Variants in RIMS2 observed in about 807,000 individuals in gnomAD.
The protein encoded by RIMS2 is regulating synaptic membrane exocytosis 2.
A neutral mutation model predicts 174.4 loss-of-function variants in RIMS2; 59 were observed. That is an observed-to-expected ratio of 0.34 (90% CI 0.27 to 0.42). The LOEUF (loss-of-function observed/expected upper bound fraction) is 0.42. Among genes scored for constraint, RIMS2 ranks in the 10% least tolerant of loss-of-function variants. The pLI is 1.00. For missense variants in RIMS2, 1,620 were observed against 1,666.3 expected (o/e 0.97, Z 0.48); for synonymous variants, 606 against 572.5 (o/e 1.06, Z -0.84).
At chr8:104,006,908 T>A (rs1320218758) in intron 17 of RIMS2, among the ~76,000 whole-genome samples, 1 of 152,086 alleles carries the variant, frequency 6.6e-6, no homozygotes, top group Non-Finnish European at 1.5e-5. Flanking sequence ...TAAAGGTTTT[T>A]TTATATTTAA....
intron 1 of RIMS2, among the ~76,000 whole-genome samples, chr8:103,647,877 G>T (rs13262743): frequency 0.17 from 24,747 of 146,074 alleles, 2,299 homozygotes; most frequent in African/African-American, 0.23. Flanking sequence ...CAGCTGCTGG[G>T]TTCATTGATT....
At chr8:103,910,215 A>T in intron 5 of RIMS2, 106 bp from the exon 8 acceptor site, 1 of 1,578,614 alleles carries the variant, frequency 6.3e-7, no homozygotes. Context: ...AGACATGTGG[A>T]GCCTTACTAT....
intron 1 of RIMS2, among the ~76,000 whole-genome samples, chr8:103,575,078 A>G (rs1288324535): frequency 6.6e-6 from 1 of 152,236 alleles, no homozygotes; most frequent in South Asian, 2.1e-4. Flanking sequence ...CAGAATATAT[A>G]AAACTCACAC....
chr8:103,665,215 T>G (rs1410640090), intron 1 of RIMS2, among the ~76,000 whole-genome samples: 1 of 152,182 alleles, frequency 6.6e-6, no homozygotes, highest in Non-Finnish European at 1.5e-5. Context: ...ACATGGCACA[T>G]GTATATCTGT....
chr8:103,750,449 AAG>A (rs1293704436), intron 2 of RIMS2, among the ~76,000 whole-genome samples: 2 of 152,172 alleles, frequency 1.3e-5, no homozygotes, highest in African/African-American at 4.8e-5. Flanking sequence ...TAAAATAACA[AAG>A]AGTGTAATTG....
chr8:104,099,959 A>G (rs1274591308), intron 19 of RIMS2, among the ~76,000 whole-genome samples: 1 of 151,744 alleles, frequency 6.6e-6, no homozygotes, highest in Non-Finnish European at 1.5e-5. Flanking sequence ...TTGTGACTAC[A>G]GGGTCACGCC....
intron 1 of RIMS2, among the ~76,000 whole-genome samples, chr8:103,681,853 G>A (rs1204547037): frequency 1.3e-5 from 2 of 152,028 alleles, no homozygotes; most frequent in African/African-American, 4.8e-5. Flanking sequence ...CTAACTAGGA[G>A]ACTATTCTCT....
intron 1 of RIMS2, among the ~76,000 whole-genome samples, chr8:103,528,559 A>G (rs982936361): frequency 5.9e-5 from 9 of 152,138 alleles, no homozygotes; most frequent in Admixed American, 2.0e-4. Flanking sequence ...ATCTTGAATT[A>G]ATTTTTGTGT....
intron 2 of RIMS2, among the ~76,000 whole-genome samples, chr8:103,758,054 T>A (rs912832781): frequency 6.6e-6 from 1 of 152,188 alleles, no homozygotes; most frequent in Non-Finnish European, 1.5e-5. Flanking sequence ...TAATTTGTAA[T>A]TTGAGTCATG....
Position 104,058,850 on chromosome 8 carries a change from C to G in RIMS2, c.3334+44235C>G, listed in dbSNP as rs183789852. 6.3e-4 allele frequency among the ~76,000 whole-genome samples: 96 copies of G among 152,236 alleles called. 1 individual carries two copies. The highest frequency in any genetic ancestry group is 4.4e-3 in the South Asian group (21 of 4,820). ...AATCCTTTCCCCATTGCTTGTTTTT[C>G]TCAGGTTTGCCAAAGATCAGATATT... On this transcript the variant is annotated intron_variant, in intron 19 of 23. Coordinates refer to ENST00000504942, the Ensembl canonical transcript of RIMS2.
At position 103,834,335 on chromosome 8, in the gene RIMS2, T is replaced by TC. The variant is rs1432680693; in HGVS notation, c.699-50963_699-50962insC. 3.1e-4 allele frequency among the ~76,000 whole-genome samples: 35 copies of TC among 113,184 alleles called. No individual in the cohort carries two copies. In the East Asian group the frequency reaches 6.5e-3, roughly 21 times the overall value. 74.3% of individuals were successfully genotyped at this position (113,184 alleles called of 152,430 possible). The stretch of plus-strand genomic sequence containing the variant: ...AAATCTTTTCTTTTTTCTTTTTCTT[T>TC]TTTTTTTTTTTTTTTTAAGAAATGG... On this transcript the variant is annotated intron_variant, in intron 3 of 23. Coordinates refer to ENST00000504942, the Ensembl canonical transcript of RIMS2.
At chr8:103,899,537 T>G (rs949700708) in intron 4 of RIMS2, among the ~76,000 whole-genome samples, 6 of 151,858 alleles carry the variant, frequency 4.0e-5, no homozygotes, top group African/African-American at 1.5e-4. Flanking sequence ...AAAAGTGTCT[T>G]TTCATATCCT....
In RIMS2 at chr8:104,099,298, A is replaced by C. The variant is rs141666686; in HGVS notation, c.3334+84683A>C. On this transcript the variant is annotated intron_variant, in intron 19 of 23. Transcript: ENST00000504942. ...TTTCTGGAAGTGTGTTTCAGTGCCA[A>C]CTCATCACAGAGGGTATGATGGGCT... 6.8e-3 allele frequency among the ~76,000 whole-genome samples: 1,033 copies of C among 152,128 alleles called. 9 individuals carry two copies. Among genetic ancestry groups the C allele is most frequent in the Non-Finnish European group, 0.011 (729 of 67,964 alleles).
At chr8:103,977,283 C>A (rs533870191) in intron 16 of RIMS2, 46 of 152,180 alleles carry the variant, frequency 3.0e-4, no homozygotes, top group Non-Finnish European at 5.1e-4. Context: ...GTTGAATTAA[C>A]AAAGTTTATA....
chr8:103,772,203 A>G (rs796913840), intron 3 of RIMS2, among the ~76,000 whole-genome samples: 10 of 152,134 alleles, frequency 6.6e-5, no homozygotes, highest in African/African-American at 2.4e-4. Flanking sequence ...AAAGCCATCT[A>G]GATTGAAAAG....
intron 1 of RIMS2, 110 bp downstream of exon 1, chr8:103,501,172 GCGCCCA>G: frequency 1.3e-6 from 1 of 786,210 alleles, no homozygotes; most frequent in South Asian, 3.5e-5. Flanking sequence ...CCCGCTGGCG[GCGCCCA>G]GGCCACGAGG....
chr8:103,550,084 C>T (rs1043324245), intron 1 of RIMS2, among the ~76,000 whole-genome samples: 4 of 152,154 alleles, frequency 2.6e-5, no homozygotes, highest in Non-Finnish European at 5.9e-5. Flanking sequence ...AGGAATTGAA[C>T]TCAGCTCTGC....
At chr8:103,998,279 T>C (rs1179147290) in intron 17 of RIMS2, 1 of 1,504,744 alleles carries the variant, frequency 6.6e-7, no homozygotes, top group Admixed American at 1.7e-5. Context: ...TGAGTCTGTT[T>C]GTGGAATTGC....
intron 1 of RIMS2, among the ~76,000 whole-genome samples, chr8:103,636,788 ACCCCC>A (rs768545308): frequency 9.2e-5 from 4 of 43,578 alleles, no homozygotes; most frequent in East Asian, 8.8e-4. Flanking sequence ...CCACCCCCGC[ACCCCC>A]CCCCCCCCAC....
Sources: allele counts gnomAD v4.1 joint callset (sites outside exome capture counted in the v4.1 genomes callset), GRCh38; gene constraint gnomAD v4.1.1; transcripts MANE v1.5; gene names NCBI Gene and HGNC (gene_info 2026-07-23, HGNC 2026-07-21).